The following UPF1 variants were observed in gnomAD, a reference collection of about 807,000 sequenced individuals.
UPF1 encodes regulator of nonsense transcripts 1.
UPF1 carries 9 observed loss-of-function variants against 129.2 expected under a neutral mutation model. The observed-to-expected ratio is 0.07, with a 90% confidence interval of 0.04 to 0.12. UPF1 has a LOEUF of 0.12. Ranked by LOEUF, UPF1 falls within the 10% of genes least tolerant of loss-of-function variation. The probability of loss-of-function intolerance (pLI) is 1.00; values close to 1 mark genes in which losing one functional copy is unlikely to be tolerated. For synonymous variants in UPF1, 649 were observed against 644.9 expected, an observed-to-expected ratio of 1.01 and a Z score of -0.10; for missense variants, 788 against 1,525.3, an observed-to-expected ratio of 0.52 and a Z score of 8.05.
At chr19:18,834,843 C>T (rs1173069493) in intron 1 of UPF1, among the ~76,000 whole-genome samples, 1 of 152,130 alleles carries the variant, frequency 6.6e-6, no homozygotes, top group East Asian at 1.9e-4. Context: ...TTGGGGGCTC[C>T]TGGAAACTCT....
rs2055660642 is a variant in UPF1, at chr19:18,851,718, C to G, written c.811-417C>G. ...CGGGCTGTGGACACAGCGAGAGAAACCGGTGGTCTTTGTGGCAGCCTGCGA... is the reference window on the plus strand; with the variant it reads ...CGGGCTGTGGACACAGCGAGAGAAAGCGGTGGTCTTTGTGGCAGCCTGCGA... On this transcript the variant is annotated intron_variant, in intron 5 of 23. Coordinates refer to ENST00000262803, the MANE Select transcript of UPF1 (RefSeq NM_002911.4). The surrounding 1 kb of genome is among the most constrained non-coding windows in gnomAD (Gnocchi z 4.2). 2.0e-5 allele frequency among the ~76,000 whole-genome samples: 3 copies of G among 152,228 alleles called. No individual in the cohort carries two copies. The highest frequency in any genetic ancestry group is 2.0e-4 in the Admixed American group (3 of 15,286).
At chr19:18,847,407 T>C (rs1350582744) in intron 2 of UPF1, among the ~76,000 whole-genome samples, 1 of 152,214 alleles carries the variant, frequency 6.6e-6, no homozygotes, top group East Asian at 1.9e-4. Flanking sequence ...GAGTTCACCA[T>C]GACCACTGGG....
At chr19:18,854,828 G>A (rs767263459) in intron 9 of UPF1, 51 bp from the exon 10 acceptor site, 15 of 1,608,562 alleles carry the variant, frequency 9.3e-6, no homozygotes, top group African/African-American at 4.0e-5. Flanking sequence ...TCAGGATGTC[G>A]GAGAGGCGGC....
chr19:18,853,436 C>A lies in UPF1; in HGVS notation c.1156+86C>A. The A allele has an allele frequency of 1.5e-6, 2 of 1,292,970 alleles. No individual in the cohort carries two copies. Among genetic ancestry groups the A allele is most frequent in the South Asian group, 1.5e-5 (1 of 68,240 alleles). The allele number at this position is 1,292,970 out of a possible 1,614,324, so 80.1% of individuals were successfully genotyped here. A position where few individuals can be genotyped will look rare whatever the true frequency, so the allele number is the denominator to read the frequency against. ...TGGAGGCCACTGTGGATTTGATGCT[C>A]ACTGCTGGGCCAGCATCTCATGCTC... On this transcript the variant is annotated intron_variant, in intron 8 of 23. Transcript: ENST00000262803. This position sits in a 1 kb window ranked among gnomAD's most constrained non-coding sequence, Gnocchi z 4.4.
chr19:18,855,680 CAAA>C (rs200509487), intron 11 of UPF1: 12 of 508,410 alleles, frequency 2.4e-5, no homozygotes, highest in Non-Finnish European at 3.8e-5. Context: ...GACGTCTCTA[CAAA>C]AAAAAAATTC....
intron 11 of UPF1, 154 bp downstream of exon 11, chr19:18,855,396 T>C (rs778135346): frequency 2.4e-5 from 19 of 797,632 alleles, no homozygotes; most frequent in Non-Finnish European, 3.1e-5. Flanking sequence ...TATGTGACAT[T>C]ATTCGTGTCA....
intron 1 of UPF1, among the ~76,000 whole-genome samples, chr19:18,844,171 G>A (rs377733909): frequency 8.6e-5 from 13 of 151,922 alleles, no homozygotes; most frequent in Admixed American, 2.6e-4. Context: ...TTCACATCCA[G>A]AACTAAAGGA....
chr19:18,850,257 G>A lies in UPF1; in HGVS notation c.629+15G>A, dbSNP rs1568275331. ...CTGCTGTGCAGGTGAGTGGTCCCCA[G>A]ATGTCTCCTGGGGGTGACCTTTAAG... On this transcript the variant is annotated intron_variant, in intron 4 of 23. Transcript: ENST00000262803. The surrounding 1 kb of genome is among the most constrained non-coding windows in gnomAD (Gnocchi z 7.1). The A allele has an allele frequency of 6.3e-7, 1 of 1,586,020 alleles. No individual in the cohort carries two copies.
intron 16 of UPF1, 31 bp downstream of exon 16, chr19:18,860,469 A>T (rs758494616): frequency 6.2e-7 from 1 of 1,604,678 alleles, no homozygotes; most frequent in Non-Finnish European, 8.5e-7. Context: ...CGGCGTCTGC[A>T]GGTCTTGGGG....
intron 1 of UPF1, among the ~76,000 whole-genome samples, chr19:18,842,226 A>T (rs982393356): frequency 2.0e-5 from 3 of 152,258 alleles, no homozygotes; most frequent in Admixed American, 1.3e-4. Flanking sequence ...GAGACATCAC[A>T]AATCACGTGC....
At position 18,866,747 on chromosome 19, in the gene UPF1, G is replaced by C. The variant is rs1300729503; in HGVS notation, c.*230G>C. On this transcript the variant is annotated 3_prime_UTR_variant, in exon 24 of 24. Transcript: ENST00000262803. Reference sequence around the variant, plus strand: ...GAGCGGAGGAGGGGCCGGCCCGCGGGAGCCGCGGCCACCAGGAGGCCCCGC... The same window carrying C: ...GAGCGGAGGAGGGGCCGGCCCGCGGCAGCCGCGGCCACCAGGAGGCCCCGC... 6.6e-6 allele frequency: 1 copy of C among 152,506 alleles called. No homozygotes were observed. Among genetic ancestry groups the C allele is most frequent in the Non-Finnish European group, 1.5e-5 (1 of 68,052 alleles). 9.4% of individuals were successfully genotyped at this position (152,506 alleles called of 1,614,324 possible).
chr19:18,855,619 T>G, intron 11 of UPF1: 1 of 499,172 alleles, frequency 2.0e-6, no homozygotes, highest in South Asian at 2.4e-5. Flanking sequence ...CATCGTGTCA[T>G]TACTGCCTGT....
In UPF1 at chr19:18,853,367, G is replaced by A; in HGVS notation, c.1156+17G>A. On this transcript the variant is annotated intron_variant, in intron 8 of 23. Coordinates refer to ENST00000262803, the MANE Select transcript of UPF1 (RefSeq NM_002911.4). This position sits in a 1 kb window ranked among gnomAD's most constrained non-coding sequence, Gnocchi z 4.4. ...TCCCTGATAGTATCCTTCATGTGAA[G>A]AGGGTGTGGCCGGCTGGTGGGAGAG... 1.3e-6 allele frequency: 2 copies of A among 1,589,542 alleles called. No homozygotes were observed. Among genetic ancestry groups the A allele is most frequent in the South Asian group, 1.1e-5 (1 of 87,560 alleles).
chr19:18,855,165 G>C lies in UPF1; in HGVS notation c.1467G>C (p.Leu489=). 6.2e-7 allele frequency: 1 copy of C among 1,613,860 alleles called. No individual in the cohort carries two copies. Among genetic ancestry groups the C allele is most frequent in the Non-Finnish European group, 8.5e-7 (1 of 1,179,988 alleles). ...CTGTGCTGCAAAGACCACTGAGCCTGATCCAGGGCCCGCCAGGCACGGGGA... is the reference window on the plus strand; with the variant it reads ...CTGTGCTGCAAAGACCACTGAGCCTCATCCAGGGCCCGCCAGGCACGGGGA... The part of the protein sequence containing the change: ...VKTVLQRPLS[L]IQGPPGTGKT... Residue 489 remains leucine, a synonymous_variant, in exon 11 of 24, where the codon CTG becomes CTC. Transcript: ENST00000262803.
At position 18,851,687 on chromosome 19, in the gene UPF1, G is replaced by C. The variant is rs2055660259; in HGVS notation, c.811-448G>C. ...CAGGGTTAGCAGACGTGGGAGACAG[G>C]CCTCCCGGGCTGTGGACACAGCGAG... On this transcript the variant is annotated intron_variant, in intron 5 of 23. Transcript: ENST00000262803. The surrounding 1 kb of genome is among the most constrained non-coding windows in gnomAD (Gnocchi z 4.2). Among the ~76,000 whole-genome samples the C allele has an allele frequency of 1.3e-5, 2 of 152,244 alleles. No homozygotes were observed. The highest frequency in any genetic ancestry group is 2.4e-5 in the African/African-American group (1 of 41,460).
chr19:18,862,584 C>A (rs936179554), intron 18 of UPF1, among the ~76,000 whole-genome samples: 1 of 151,932 alleles, frequency 6.6e-6, no homozygotes, highest in Non-Finnish European at 1.5e-5. Context: ...ACATGTAATC[C>A]CAGCACTTTG....
In UPF1 at chr19:18,851,983, G is replaced by T. The variant is rs1215211857; in HGVS notation, c.811-152G>T. The T allele has an allele frequency of 8.7e-7, 1 of 1,146,486 alleles. No homozygotes were observed. 71.0% of individuals were successfully genotyped at this position (1,146,486 alleles called of 1,614,324 possible). A position where few individuals can be genotyped will look rare whatever the true frequency, so the allele number is the denominator to read the frequency against. ...CCCGTTCCCAGGGTTCTCCTTGCAG[G>T]TGGGGCTGCGCCAGAACCCCTCCAT... is the stretch of plus-strand genomic sequence containing the variant. On this transcript the variant is annotated intron_variant, in intron 5 of 23. Coordinates refer to ENST00000262803, the MANE Select transcript of UPF1 (RefSeq NM_002911.4). The surrounding 1 kb of genome is among the most constrained non-coding windows in gnomAD (Gnocchi z 4.2).
Position 18,866,711 on chromosome 19 carries a change from A to G in UPF1, c.*194A>G, listed in dbSNP as rs2055849047. 6.6e-6 allele frequency: 1 copy of G among 152,566 alleles called. No homozygotes were observed. Among genetic ancestry groups the G allele is most frequent in the Admixed American group, 6.5e-5 (1 of 15,288 alleles). The allele number at this position is 152,566 out of a possible 1,614,324, so 9.5% of individuals were successfully genotyped here. On this transcript the variant is annotated 3_prime_UTR_variant, in exon 24 of 24. Transcript: ENST00000262803. ...CGCCCCCTGCTGGCCCGCGGCGGCG[A>G]GGAGCAGAGGGAGCGGAGGAGGGGC...
In UPF1 at chr19:18,863,557, G is replaced by T; in HGVS notation, c.2720G>T (p.Arg907Leu). 1 of 1,613,808 alleles carries T rather than the reference G, an allele frequency of 6.2e-7. No homozygotes were observed. Residue 907 changes from arginine (R) to leucine (L), a missense_variant, in exon 19 of 24, where the codon CGT becomes CTT. Transcript: ENST00000262803. ...VLVEGPLNNLRESLMQFSKPR... is the reference protein window; with the variant it reads ...VLVEGPLNNLLESLMQFSKPR... ...GTGGAGGGGCCGCTCAACAACCTGC[G>T]TGAGAGCCTCATGCAGTTCAGCAAG...
Sources: gnomAD v4.1 joint callset for allele counts (sites outside exome capture counted in the v4.1 genomes callset) on GRCh38, gnomAD v4.1.1 for gene constraint, Gnocchi (gnomAD v3.1) non-coding constraint, MANE v1.5 for transcripts, NCBI Gene and HGNC (gene_info 2026-07-23, HGNC 2026-07-21) for gene names.